NBEA: variants seen among roughly 807,000 people sequenced by gnomAD.
The protein encoded by NBEA is neurobeachin.
Under a neutral mutation model 343.4 loss-of-function variants are expected in NBEA, and 44 were observed. The ratio of observed to expected loss-of-function variants is 0.13; its 90% CI spans 0.10 to 0.16. NBEA has a LOEUF of 0.16. Among genes scored for constraint, NBEA ranks in the 10% least tolerant of loss-of-function variants. The pLI, the probability that NBEA is intolerant of heterozygous loss-of-function variation, is 1.00. For synonymous variants in NBEA, 1,175 were observed against 1,238.7 expected, an observed-to-expected ratio of 0.95 and a Z score of 1.08; for missense variants, 2,555 against 3,631.3, an observed-to-expected ratio of 0.70 and a Z score of 7.62.
At chr13:35,637,781 CA>C (rs1407549835) in intron 49 of NBEA, among the ~76,000 whole-genome samples, 1 of 151,460 alleles carries the variant, frequency 6.6e-6, no homozygotes, top group Admixed American at 6.6e-5. Flanking sequence ...GAGATTGCGC[CA>C]CTGCACTCCA....
chr13:35,263,126 A>G (rs907913798), intron 34 of NBEA, among the ~76,000 whole-genome samples: 1 of 152,200 alleles, frequency 6.6e-6, no homozygotes, highest in Non-Finnish European at 1.5e-5. Flanking sequence ...AAACAGACAT[A>G]TAAACCAATG....
intron 47 of NBEA, among the ~76,000 whole-genome samples, chr13:35,595,004 A>T (rs2081718859): frequency 6.8e-6 from 1 of 146,584 alleles, no homozygotes; most frequent in Admixed American, 6.8e-5. Context: ...TTGGCTTTTC[A>T]ACTTAATTCA....
chr13:35,003,124 A>G (rs2061200400), intron 1 of NBEA, among the ~76,000 whole-genome samples: 3 of 152,176 alleles, frequency 2.0e-5, no homozygotes, highest in African/African-American at 7.2e-5. Context: ...ATCAACAGAA[A>G]ACATAAAGAT....
intron 10 of NBEA, among the ~76,000 whole-genome samples, chr13:35,081,323 ATCT>A (rs2064382911): frequency 6.6e-6 from 1 of 152,052 alleles, no homozygotes; most frequent in Non-Finnish European, 1.5e-5. Flanking sequence ...GTTGAAGTTG[ATCT>A]TCTTTAGACA....
intron 34 of NBEA, among the ~76,000 whole-genome samples, chr13:35,282,230 A>G (rs2035102489): frequency 6.6e-6 from 1 of 152,078 alleles, no homozygotes. Context: ...TATTTTTAAT[A>G]TGGAAGCATT....
intron 6 of NBEA, among the ~76,000 whole-genome samples, chr13:35,054,225 T>C (rs2063164713): frequency 6.6e-6 from 1 of 152,166 alleles, no homozygotes; most frequent in Non-Finnish European, 1.5e-5. Context: ...TTCTGTGTTA[T>C]TTAGATAGCA....
At chr13:35,294,941 G>T (rs2036024035) in intron 35 of NBEA, among the ~76,000 whole-genome samples, 1 of 151,602 alleles carries the variant, frequency 6.6e-6, no homozygotes, top group Non-Finnish European at 1.5e-5. Flanking sequence ...GTCTGGAGAG[G>T]AATGAGTCTG....
chr13:35,186,839 G>C (rs892261578), intron 30 of NBEA, among the ~76,000 whole-genome samples: 6 of 152,134 alleles, frequency 3.9e-5, no homozygotes, highest in Non-Finnish European at 8.8e-5. Context: ...TTAATCACCA[G>C]TTCACTTTCG....
chr13:35,300,639 T>C (rs2036477917), intron 35 of NBEA, among the ~76,000 whole-genome samples: 1 of 152,198 alleles, frequency 6.6e-6, no homozygotes, highest in African/African-American at 2.4e-5. Context: ...CATAAATTCT[T>C]AGACCTTACT....
intron 41 of NBEA, among the ~76,000 whole-genome samples, chr13:35,501,693 A>C (rs1318245177): frequency 6.6e-6 from 1 of 152,196 alleles, no homozygotes; most frequent in East Asian, 1.9e-4. Flanking sequence ...TTTTGAATAC[A>C]CATTTATCTT....
intron 39 of NBEA, among the ~76,000 whole-genome samples, chr13:35,448,148 A>G (rs1485232009): frequency 3.3e-5 from 5 of 152,206 alleles, no homozygotes; most frequent in Non-Finnish European, 7.3e-5. Flanking sequence ...TTTACTATAT[A>G]TCTTTTAAAG....
chr13:35,350,484 A>C (rs1376455210), intron 37 of NBEA, among the ~76,000 whole-genome samples: 1 of 151,694 alleles, frequency 6.6e-6, no homozygotes, highest in African/African-American at 2.4e-5. Context: ...TTTATCCCCC[A>C]CCCGACACAC....
At chr13:35,105,130 C>G (rs1336220609) in intron 11 of NBEA, among the ~76,000 whole-genome samples, 1 of 151,952 alleles carries the variant, frequency 6.6e-6, no homozygotes, top group African/African-American at 2.4e-5. Flanking sequence ...AGAAGGGTAC[C>G]TGATGGGAGC....
At chr13:35,472,790 T>C (rs1258183133) in intron 41 of NBEA, among the ~76,000 whole-genome samples, 1 of 152,204 alleles carries the variant, frequency 6.6e-6, no homozygotes, top group African/African-American at 2.4e-5. Flanking sequence ...TTGGGCAGAT[T>C]TGGTAGTTAA....
intron 38 of NBEA, among the ~76,000 whole-genome samples, chr13:35,396,018 CTA>C (rs1300765724): frequency 6.6e-6 from 1 of 152,100 alleles, no homozygotes; most frequent in African/African-American, 2.4e-5. Context: ...TCATCTGTGT[CTA>C]TGTTTTTTAG....
At chr13:35,023,484 G>C (rs918718402) in intron 1 of NBEA, among the ~76,000 whole-genome samples, 1 of 151,968 alleles carries the variant, frequency 6.6e-6, no homozygotes, top group African/African-American at 2.4e-5. Flanking sequence ...AGCTATAGTA[G>C]ATCCTATAAA....
At position 35,423,630 on chromosome 13, in the gene NBEA, T is replaced by C. The variant is rs1050149401; in HGVS notation, c.6180-8639T>C. Among the ~76,000 whole-genome samples the C allele has an allele frequency of 2.8e-4, 42 of 152,124 alleles. 1 individual carries two copies. The highest frequency in any genetic ancestry group is 3.8e-4 in the Non-Finnish European group (26 of 68,016). Reference sequence around the variant, plus strand: ...TTGGCTTAGGATTGACTTGGCGATGTGGGCTCTTTTTTGGTTCCATATGAA... The same window carrying C: ...TTGGCTTAGGATTGACTTGGCGATGCGGGCTCTTTTTTGGTTCCATATGAA... On this transcript the variant is annotated intron_variant, in intron 38 of 58. Transcript: ENST00000379939.
At chr13:35,076,524 A>G (rs1409167459) in intron 10 of NBEA, among the ~76,000 whole-genome samples, 2 of 152,056 alleles carry the variant, frequency 1.3e-5, no homozygotes, top group South Asian at 2.1e-4. Context: ...GCCACTTTCA[A>G]TGCTATACTA....
intron 34 of NBEA, among the ~76,000 whole-genome samples, chr13:35,260,032 G>C (rs2033064778): frequency 6.6e-6 from 1 of 152,132 alleles, no homozygotes; most frequent in African/African-American, 2.4e-5. Context: ...CCAATATGAA[G>C]ATATGGTTAT....
Sources: allele counts gnomAD v4.1 joint callset (sites outside exome capture counted in the v4.1 genomes callset), GRCh38; gene constraint gnomAD v4.1.1; transcripts MANE v1.5; gene names NCBI Gene and HGNC (gene_info 2026-07-23, HGNC 2026-07-21).